Variants in KCNJ3 observed in about 807,000 individuals in gnomAD.
KCNJ3 encodes potassium inwardly rectifying channel subfamily J member 3.
A neutral mutation model predicts 39.2 loss-of-function variants in KCNJ3; 4 were observed. That is an observed-to-expected ratio of 0.10 (90% CI 0.05 to 0.23). The LOEUF is 0.23. KCNJ3 is among the 10% of genes least tolerant of loss of function. The probability of loss-of-function intolerance (pLI) is 1.00; values close to 1 mark genes in which losing one functional copy is unlikely to be tolerated. For missense variants in KCNJ3, 276 were observed against 634.9 expected (o/e 0.43, Z 6.08); for synonymous variants, 230 against 237.4 (o/e 0.97, Z 0.29).
At chr2:154,846,708 C>G (rs950904238) in intron 2 of KCNJ3, among the ~76,000 whole-genome samples, 1 of 152,076 alleles carries the variant, frequency 6.6e-6, no homozygotes, top group Non-Finnish European at 1.5e-5. Context: ...TGACCATGAG[C>G]CTTTAGCATC....
chr2:154,719,250 G>C (rs941109613), intron 2 of KCNJ3, among the ~76,000 whole-genome samples: 2 of 152,098 alleles, frequency 1.3e-5, no homozygotes, highest in South Asian at 4.1e-4. Context: ...CTAGCAACTA[G>C]GAAAGCCACT....
At chr2:154,736,954 AG>A (rs1471770874) in intron 2 of KCNJ3, among the ~76,000 whole-genome samples, 2 of 152,144 alleles carry the variant, frequency 1.3e-5, no homozygotes, top group Non-Finnish European at 2.9e-5. Context: ...GAATCTGGAG[AG>A]GTCATCATAG....
At chr2:154,800,567 T>C (rs1292989193) in intron 2 of KCNJ3, among the ~76,000 whole-genome samples, 3 of 152,186 alleles carry the variant, frequency 2.0e-5, no homozygotes. Context: ...AATTCTACTT[T>C]TTATTGCCTT....
chr2:154,768,618 CATG>C (rs1686177855), intron 2 of KCNJ3, among the ~76,000 whole-genome samples: 1 of 152,138 alleles, frequency 6.6e-6, no homozygotes, highest in Non-Finnish European at 1.5e-5. Context: ...AGTCAGGTAG[CATG>C]ATGCCTCCAG....
At chr2:154,823,797 T>G (rs1201490017) in intron 2 of KCNJ3, among the ~76,000 whole-genome samples, 1 of 152,134 alleles carries the variant, frequency 6.6e-6, no homozygotes, top group Non-Finnish European at 1.5e-5. Context: ...GTGTTTATAT[T>G]TTTGTCTTCT....
At chr2:154,807,383 C>T (rs1199182384) in intron 2 of KCNJ3, among the ~76,000 whole-genome samples, 4 of 152,158 alleles carry the variant, frequency 2.6e-5, no homozygotes, top group Admixed American at 6.5e-5. Context: ...TTACAATAGT[C>T]GTTCACCCAA....
chr2:154,700,533 G>A (rs961937352), intron 1 of KCNJ3, among the ~76,000 whole-genome samples: 2 of 152,234 alleles, frequency 1.3e-5, no homozygotes, highest in East Asian at 1.9e-4. Context: ...TAAATAGTTC[G>A]TACAATGAAA....
intron 2 of KCNJ3, among the ~76,000 whole-genome samples, chr2:154,821,887 C>A (rs150332867): frequency 1.3e-5 from 2 of 151,892 alleles, no homozygotes; most frequent in African/African-American, 4.8e-5. Flanking sequence ...ATAATCCATT[C>A]GCCTTGGCCT....
At chr2:154,743,590 A>G (rs906595138) in intron 2 of KCNJ3, among the ~76,000 whole-genome samples, 2 of 151,268 alleles carry the variant, frequency 1.3e-5, no homozygotes, top group African/African-American at 2.4e-5. Flanking sequence ...GTAGTTATAC[A>G]TGCTGTATTT....
chr2:154,855,136 T>G lies in KCNJ3; in HGVS notation c.1329T>G (p.Val443=). 6.2e-7 allele frequency: 1 copy of G among 1,614,004 alleles called. No homozygotes were observed. Among genetic ancestry groups the G allele is most frequent in the Non-Finnish European group, 8.5e-7 (1 of 1,179,962 alleles). ...LPMKLQRISS[V]PGNSEEKLVS... Reference sequence around the variant, plus strand: ...TGAAACTTCAACGAATAAGTTCAGTTCCGGGCAACTCAGAAGAAAAACTGG... The same window carrying G: ...TGAAACTTCAACGAATAAGTTCAGTGCCGGGCAACTCAGAAGAAAAACTGG... Residue 443 remains valine (V), a synonymous_variant, in exon 3 of 3, where the codon GTT becomes GTG. Coordinates refer to ENST00000295101, the MANE Select transcript of KCNJ3 (RefSeq NM_002239.4).
At chr2:154,731,948 T>C (rs749122853) in intron 2 of KCNJ3, among the ~76,000 whole-genome samples, 25 of 152,086 alleles carry the variant, frequency 1.6e-4, no homozygotes, top group Admixed American at 3.9e-4. Context: ...CATTACGATG[T>C]GCCAGGGAAG....
intron 2 of KCNJ3, among the ~76,000 whole-genome samples, chr2:154,712,650 A>C (rs1443515020): frequency 2.6e-5 from 4 of 152,182 alleles, no homozygotes; most frequent in African/African-American, 9.7e-5. Context: ...GTGGCAGACT[A>C]TAACAGCCAG....
intron 2 of KCNJ3, among the ~76,000 whole-genome samples, chr2:154,791,987 G>A (rs1686642012): frequency 1.3e-5 from 2 of 152,054 alleles, no homozygotes; most frequent in Admixed American, 6.6e-5. Flanking sequence ...AAAAGTGGGT[G>A]TTTTGTCTTT....
chr2:154,760,710 C>A (rs1285570033), intron 2 of KCNJ3, among the ~76,000 whole-genome samples: 1 of 151,154 alleles, frequency 6.6e-6, no homozygotes, highest in East Asian at 1.9e-4. Context: ...CATGCCAACA[C>A]CCTGGCTATT....
At chr2:154,821,610 C>CA (rs1402814148) in intron 2 of KCNJ3, among the ~76,000 whole-genome samples, 1 of 136,644 alleles carries the variant, frequency 7.3e-6, no homozygotes, top group African/African-American at 2.6e-5. Context: ...CCAACTTTTC[C>CA]AAAAAAAGAA....
At chr2:154,783,690 G>T (rs536886925) in intron 2 of KCNJ3, among the ~76,000 whole-genome samples, 125 of 152,218 alleles carry the variant, frequency 8.2e-4, no homozygotes, top group African/African-American at 2.9e-3. Flanking sequence ...TTCCCAAGTT[G>T]GCACAGCTGC....
At chr2:154,717,473 G>T (rs1257683984) in intron 2 of KCNJ3, among the ~76,000 whole-genome samples, 2 of 152,092 alleles carry the variant, frequency 1.3e-5, no homozygotes, top group Admixed American at 6.5e-5. Context: ...AGAGGTAATT[G>T]GGTCCTTCAT....
chr2:154,850,275 T>C (rs748719587), intron 2 of KCNJ3, among the ~76,000 whole-genome samples: 2 of 152,058 alleles, frequency 1.3e-5, no homozygotes, highest in African/African-American at 4.8e-5. Context: ...TCAAATGGCA[T>C]TTGCAATTAT....
At chr2:154,760,620 C>T (rs759885805) in intron 2 of KCNJ3, among the ~76,000 whole-genome samples, 1 of 151,832 alleles carries the variant, frequency 6.6e-6, no homozygotes, top group African/African-American at 2.4e-5. Context: ...GTGGTATAAT[C>T]GTGGTCTGGT....
Sources: gnomAD v4.1 joint callset for allele counts (sites outside exome capture counted in the v4.1 genomes callset) on GRCh38, gnomAD v4.1.1 for gene constraint, MANE v1.5 for transcripts, NCBI Gene and HGNC (gene_info 2026-07-23, HGNC 2026-07-21) for gene names.